Variants in CWF19L2 observed in about 807,000 individuals in gnomAD.
CWF19L2 encodes the protein CWF19 like cell cycle control factor 2.
Under a neutral mutation model 111.7 loss-of-function variants are expected in CWF19L2, and 98 were observed. That is an observed-to-expected ratio of 0.88 (90% CI 0.75 to 1.04). The LOEUF (loss-of-function observed/expected upper bound fraction) is 1.04. Among genes scored for constraint, CWF19L2 ranks in the 50% least tolerant of loss-of-function variants. The probability of loss-of-function intolerance (pLI) is 0.00; values close to 1 mark genes in which losing one functional copy is unlikely to be tolerated. For missense variants in CWF19L2, 1,101 were observed against 1,051.4 expected, an observed-to-expected ratio of 1.05 and a Z score of -0.65; for synonymous variants, 351 against 342.9, an observed-to-expected ratio of 1.02 and a Z score of -0.26.
chr11:107,455,659 T>TATTC lies in CWF19L2; in HGVS notation c.216+3_216+6dup. 6.7e-7 allele frequency: 1 copy of TATTC among 1,490,236 alleles called. No individual in the cohort carries two copies. The highest frequency in any genetic ancestry group is 9.1e-7 in the Non-Finnish European group (1 of 1,096,944). 92.3% of individuals were successfully genotyped at this position (1,490,236 alleles called of 1,614,324 possible). ...TCCTTACATCACGTAAACCTGTTAG[T>TATTC]ATTCACCTGTGAGAACTGTTCAATT... On this transcript the variant is annotated splice_region_variant and intron_variant, in intron 2 of 17. Transcript: ENST00000282251.
intron 8 of CWF19L2, among the ~76,000 whole-genome samples, chr11:107,420,294 TAC>T (rs970088184): frequency 1.3e-5 from 2 of 152,074 alleles, no homozygotes; most frequent in African/African-American, 4.8e-5. Context: ...TACACAGACA[TAC>T]GTATGTTAAA....
intron 1 of CWF19L2, among the ~76,000 whole-genome samples, chr11:107,456,009 T>C (rs1591216090): frequency 6.6e-6 from 1 of 152,218 alleles, no homozygotes; most frequent in East Asian, 1.9e-4. Context: ...TGATTTGAGT[T>C]ACCAATCAGA....
chr11:107,404,015 A>G, intron 10 of CWF19L2: 1 of 783,950 alleles, frequency 1.3e-6, no homozygotes, highest in Non-Finnish European at 2.3e-6. Flanking sequence ...GATTTCACTG[A>G]AGAGGTGATG....
chr11:107,341,502 G>C (rs1286219177), intron 14 of CWF19L2, among the ~76,000 whole-genome samples: 1 of 151,994 alleles, frequency 6.6e-6, no homozygotes, highest in Non-Finnish European at 1.5e-5. Context: ...ATATTTTGTT[G>C]ATAATTTTTA....
At chr11:107,332,763 G>T (rs1036829996) in intron 16 of CWF19L2, among the ~76,000 whole-genome samples, 6 of 152,110 alleles carry the variant, frequency 3.9e-5, no homozygotes, top group African/African-American at 1.4e-4. Context: ...GACCTCCTTT[G>T]GAATTTTTCT....
chr11:107,418,355 C>A (rs1026224522), intron 8 of CWF19L2, 68 bp from the exon 9 acceptor site: 3 of 988,078 alleles, frequency 3.0e-6, no homozygotes, highest in Non-Finnish European at 4.9e-6. Flanking sequence ...CATCAAGACT[C>A]AAATGTTATT....
In CWF19L2 at chr11:107,326,883, GAA is replaced by G. The variant is rs767825067; in HGVS notation, c.*25_*26del. On this transcript the variant is annotated 3_prime_UTR_variant, in exon 18 of 18. Coordinates refer to ENST00000282251, the MANE Select transcript of CWF19L2 (RefSeq NM_152434.3). ...GAAATAAAACTGAACGGGATCTGAA[GAA>G]AAATTTTAAAATGGAAGGTACACCT... is the stretch of plus-strand genomic sequence containing the variant. The G allele has an allele frequency of 1.5e-5, 23 of 1,556,134 alleles. No individual in the cohort carries two copies. The highest frequency in any genetic ancestry group is 2.0e-5 in the Non-Finnish European group (23 of 1,154,536).
chr11:107,353,280 A>G (rs1488831094), intron 13 of CWF19L2, among the ~76,000 whole-genome samples: 2 of 152,202 alleles, frequency 1.3e-5, no homozygotes, highest in Non-Finnish European at 1.5e-5. Context: ...TATTCAATGT[A>G]AGAATTAAAT....
chr11:107,386,245 C>A (rs1860764762), intron 12 of CWF19L2, among the ~76,000 whole-genome samples: 1 of 152,020 alleles, frequency 6.6e-6, no homozygotes, highest in Non-Finnish European at 1.5e-5. Flanking sequence ...AACTCCTGGC[C>A]TCAAGTAATC....
chr11:107,410,571 T>G (rs560688127), intron 10 of CWF19L2, among the ~76,000 whole-genome samples: 1 of 152,244 alleles, frequency 6.6e-6, no homozygotes, highest in South Asian at 2.1e-4. Flanking sequence ...AAATAACACT[T>G]CGTATGATAC....
chr11:107,393,154 T>C (rs576899853), intron 10 of CWF19L2, among the ~76,000 whole-genome samples: 2 of 152,258 alleles, frequency 1.3e-5, no homozygotes, highest in African/African-American at 2.4e-5. Context: ...AAAATTTTCA[T>C]CTAGACAATA....
At chr11:107,396,780 C>T (rs1380967273) in intron 10 of CWF19L2, among the ~76,000 whole-genome samples, 2 of 152,166 alleles carry the variant, frequency 1.3e-5, no homozygotes, top group Non-Finnish European at 2.9e-5. Flanking sequence ...AGAGGACCCA[C>T]AGACCCTCTC....
intron 5 of CWF19L2, among the ~76,000 whole-genome samples, chr11:107,440,884 C>G (rs1861611277): frequency 6.6e-6 from 1 of 152,060 alleles, no homozygotes; most frequent in South Asian, 2.1e-4. Flanking sequence ...ATTTATTAGG[C>G]TGATAAAAAA....
intron 8 of CWF19L2, among the ~76,000 whole-genome samples, chr11:107,424,953 G>A (rs1006698913): frequency 6.6e-6 from 1 of 151,686 alleles, no homozygotes; most frequent in Non-Finnish European, 1.5e-5. Context: ...CTGTTCTACA[G>A]CAAACATCAG....
chr11:107,448,830 C>T (rs1861738615), intron 3 of CWF19L2, among the ~76,000 whole-genome samples: 1 of 152,114 alleles, frequency 6.6e-6, no homozygotes, highest in African/African-American at 2.4e-5. Flanking sequence ...ACAAAGTCTA[C>T]CAGCGCCTCG....
rs1555013284 is a variant in CWF19L2 at position 107,330,634 on chromosome 11, A to AC, written c.2440-616dup. 2.1e-3 allele frequency among the ~76,000 whole-genome samples: 221 copies of AC among 105,462 alleles called. 1 individual carries two copies. The highest frequency in any genetic ancestry group is 6.9e-3 in the African/African-American group (174 of 25,216). 69.2% of individuals were successfully genotyped at this position (105,462 alleles called of 152,430 possible). A position where few individuals can be genotyped will look rare whatever the true frequency, so the allele number is the denominator to read the frequency against. On this transcript the variant is annotated intron_variant, in intron 16 of 17. Transcript: ENST00000282251. ...CCTCTCTCTTTCTCTCTCTACACAC[A>AC]CCCCCCCCACCACACACACACACAC...
chr11:107,367,745 T>A lies in CWF19L2; in HGVS notation c.1873-14009A>T, dbSNP rs1297697055. Reference sequence around the variant, plus strand: ...TAATGCTAGATGACGAGTTACTGGGTGCAGCGTACCAGCATGGCACATGTA... The same window carrying A: ...TAATGCTAGATGACGAGTTACTGGGAGCAGCGTACCAGCATGGCACATGTA... On this transcript the variant is annotated intron_variant, in intron 12 of 17. Transcript: ENST00000282251. 1.5e-5 allele frequency among the ~76,000 whole-genome samples: 2 copies of A among 130,870 alleles called. 1 individual carries two copies. Among genetic ancestry groups the A allele is most frequent in the Non-Finnish European group, 3.2e-5 (2 of 62,282 alleles). 85.9% of individuals were successfully genotyped at this position (130,870 alleles called of 152,430 possible). A position where few individuals can be genotyped will look rare whatever the true frequency, so the allele number is the denominator to read the frequency against.
chr11:107,407,790 C>T (rs1861101527), intron 10 of CWF19L2, among the ~76,000 whole-genome samples: 1 of 152,134 alleles, frequency 6.6e-6, no homozygotes, highest in Middle Eastern at 3.4e-3. Flanking sequence ...AAAACAACTA[C>T]TCTACAATTT....
intron 12 of CWF19L2, among the ~76,000 whole-genome samples, chr11:107,381,065 G>A (rs985162423): frequency 2.0e-5 from 3 of 152,142 alleles, no homozygotes; most frequent in Admixed American, 6.5e-5. Flanking sequence ...GTAAATGGAA[G>A]TGAGCAGGAC....
Sources: gnomAD v4.1 joint callset for allele counts (sites outside exome capture counted in the v4.1 genomes callset) on GRCh38, gnomAD v4.1.1 for gene constraint, MANE v1.5 for transcripts, NCBI Gene and HGNC (gene_info 2026-07-23, HGNC 2026-07-21) for gene names.